Variants in GNAT2 observed in about 807,000 individuals in gnomAD.
The protein encoded by GNAT2 is guanine nucleotide-binding protein G(t) subunit alpha-2.
GNAT2 carries 32 observed loss-of-function variants against 40.9 expected under a neutral mutation model. That is an observed-to-expected ratio of 0.78 (90% CI 0.59 to 1.05). GNAT2 has a LOEUF of 1.05. GNAT2 is among the 50% of genes least tolerant of loss of function. The pLI is 0.00. For missense variants in GNAT2, 355 were observed against 431.5 expected (o/e 0.82, Z 1.57); for synonymous variants, 141 against 157.2 (o/e 0.90, Z 0.77).
intron 7 of GNAT2, chr1:109,605,625 A>G (rs1024792780): frequency 1.2e-5 from 4 of 343,246 alleles, no homozygotes; most frequent in African/African-American, 2.1e-5. Flanking sequence ...TCCTTAGGCA[A>G]TTTGGGAGAG....
intron 7 of GNAT2, 120 bp downstream of exon 7, chr1:109,605,850 G>A: frequency 1.2e-6 from 1 of 864,580 alleles, no homozygotes. Context: ...TGATTGGTCT[G>A]CTGGAGGGCT....
rs1649526971 is a variant in GNAT2 at position 109,604,263 on chromosome 1, T to G, written c.721-159A>C. On this transcript the variant is annotated intron_variant, in intron 7 of 8. Transcript: ENST00000679935. Reference sequence around the variant, plus strand: ...GTACCAGAGTAAAGCCAGAGAGATGTGGGATCATTCTAGTTCCCTATCTTT... The same window carrying G: ...GTACCAGAGTAAAGCCAGAGAGATGGGGGATCATTCTAGTTCCCTATCTTT... 4 of 677,168 alleles carry G rather than the reference T, an allele frequency of 5.9e-6. No homozygotes were observed. The Admixed American group carries it at 6.5e-5, about 11-fold the overall frequency. 41.9% of individuals were successfully genotyped at this position (677,168 alleles called of 1,614,324 possible). A position where few individuals can be genotyped will look rare whatever the true frequency, so the allele number is the denominator to read the frequency against.
intron 4 of GNAT2, chr1:109,609,373 C>G (rs891088724): frequency 5.7e-6 from 1 of 176,790 alleles, no homozygotes; most frequent in Non-Finnish European, 1.2e-5. Flanking sequence ...TGGCTCACAC[C>G]TGTAATCTCA....
chr1:109,606,520 C>T, intron 5 of GNAT2, 84 bp from the exon 6 acceptor site: 1 of 1,136,086 alleles, frequency 8.8e-7, no homozygotes, highest in South Asian at 1.2e-5. Context: ...CAAAGTCACA[C>T]AGCTAATTTG....
rs1649850533 is a variant in GNAT2 at position 109,613,040 on chromosome 1, C to CT, written c.-53-118dup. 6.6e-5 allele frequency: 47 copies of CT among 712,990 alleles called. 1 individual carries two copies. In the South Asian group the frequency reaches 6.7e-4, roughly 10 times the overall value. The allele number at this position is 712,990 out of a possible 1,614,324, so 44.2% of individuals were successfully genotyped here. On this transcript the variant is annotated intron_variant, in intron 1 of 8. Coordinates refer to ENST00000679935, the MANE Select transcript of GNAT2 (RefSeq NM_001377295.2). The stretch of plus-strand genomic sequence containing the variant: ...AGAGCAGGCTGTAGGGTCTTGTACT[C>CT]TGCCTACATTGACTGAGACTCCCTA...
chr1:109,603,533 A>C lies in GNAT2; in HGVS notation c.886T>G (p.Tyr296Asp). The C allele has an allele frequency of 6.2e-7, 1 of 1,607,462 alleles. No individual in the cohort carries two copies. Among genetic ancestry groups the C allele is most frequent in the Non-Finnish European group, 8.5e-7 (1 of 1,173,996 alleles). Residue 296 changes from tyrosine (Y) to aspartate (D), a missense_variant, in exon 9 of 9, where the codon TAT (tyrosine) becomes GAT (aspartate). Physicochemically the swap from Tyr to Asp is radical, Grantham distance 160 (BLOSUM62 -3). Transcript: ENST00000679935. ...TTTATGTAATTCCCCGCATCATCAT[A>C]GGAGTTGTTACCTGGTTTTCCAGAA... ...CFPEYDGNNS[Y>D]DDAGNYIKSQ... is the part of the protein sequence containing the mutation.
chr1:109,603,871 G>A (rs1024251106), intron 8 of GNAT2, 80 bp downstream of exon 8: 1 of 1,056,704 alleles, frequency 9.5e-7, no homozygotes, highest in Non-Finnish European at 1.5e-6. Flanking sequence ...GTTCCTTTGT[G>A]TCATCTTGGC....
chr1:109,614,229 A>C (rs1291929867), intron 1 of GNAT2: 1 of 152,172 alleles, frequency 6.6e-6, no homozygotes, highest in Non-Finnish European at 1.5e-5. Context: ...GTGACTCTAA[A>C]GACATTAAAG....
In GNAT2 at chr1:109,606,405, G is replaced by A. The variant is rs953848102; in HGVS notation, c.493C>T (p.Pro165Ser). 2.5e-6 allele frequency: 4 copies of A among 1,612,096 alleles called. No homozygotes were observed. The highest frequency in any genetic ancestry group is 1.3e-5 in the African/African-American group (1 of 74,854). ...YLNQLERITD[P>S]EYLPSEQDVL... is the part of the protein sequence containing the mutation. The stretch of plus-strand genomic sequence containing the variant: ...TCTTGCTCACTAGGGAGGTACTCAG[G>A]GTCTGTAATTCGTTCTAATTGGTTC... Residue 165 changes from proline (P) to serine (S), a missense_variant, in exon 6 of 9, where the codon CCT (proline) becomes TCT (serine). Pro to Ser is a moderately conservative substitution (Grantham distance 74, BLOSUM62 -1). Transcript: ENST00000679935.
Position 109,603,342 on chromosome 1 carries a change from G to C in GNAT2, c.*12C>G, listed in dbSNP as rs766921289. 6.8e-7 allele frequency: 1 copy of C among 1,476,978 alleles called. No individual in the cohort carries two copies. The highest frequency in any genetic ancestry group is 1.1e-5 in the South Asian group (1 of 88,330). The allele number at this position is 1,476,978 out of a possible 1,614,324, so 91.5% of individuals were successfully genotyped here. On this transcript the variant is annotated 3_prime_UTR_variant, in exon 9 of 9. Transcript: ENST00000679935. ...CCTGTTTATAGAACTTATACCTGAG[G>C]AATGGTGAGGATTAGAAGAGGCCGC...
chr1:109,606,067 C>T lies in GNAT2; in HGVS notation c.623G>A (p.Arg208Lys). 3 of 1,613,672 alleles carry T rather than the reference C, an allele frequency of 1.9e-6. No homozygotes were observed. Among genetic ancestry groups the T allele is most frequent in the Non-Finnish European group, 2.5e-6 (3 of 1,179,544 alleles). The change falls in exon 7 of 9, where the codon AGA becomes AAA. Residue 208 changes from arginine to lysine, a missense_variant. Transcript: ENST00000679935. Reference sequence around the variant, plus strand: ...CTCGAAGCAGTGGATCCACTTCTTTCTCTCGGATCTCTGCCCTCCCACATC... The same window carrying T: ...CTCGAAGCAGTGGATCCACTTCTTTTTCTCGGATCTCTGCCCTCCCACATC... ...MFDVGGQRSE[R>K]KKWIHCFEGV...
Position 109,610,509 on chromosome 1 carries a change from T to C in GNAT2, c.119-2A>G, listed in dbSNP as rs1419697460. The stretch of plus-strand genomic sequence containing the variant: ...TGCTCTTTCCTGACTCCCCAGCACC[T>C]GGAAGGAAAAATGCTTATGCTTTCG... On this transcript the variant is annotated splice_acceptor_variant, in intron 2 of 8. Coordinates refer to ENST00000679935, the MANE Select transcript of GNAT2 (RefSeq NM_001377295.2). LOFTEE classifies it high-confidence loss of function. 1 of 1,613,342 alleles carries C rather than the reference T, an allele frequency of 6.2e-7. No individual in the cohort carries two copies. The highest frequency in any genetic ancestry group is 8.5e-7 in the Non-Finnish European group (1 of 1,179,446).
rs1557917804 is a variant in GNAT2 at position 109,603,945 on chromosome 1, A to G, written c.874+6T>C. 1 of 1,591,020 alleles carries G rather than the reference A, an allele frequency of 6.3e-7. No homozygotes were observed. The highest frequency in any genetic ancestry group is 1.3e-5 in the African/African-American group (1 of 74,530). On this transcript the variant is annotated splice_donor_region_variant and intron_variant, in intron 8 of 8. Transcript: ENST00000679935. ...ATTATTATTATTTCCAGCCCCTGAC[A>G]CTTACCATCATACTCTGGAAAACAA...
At chr1:109,618,394 T>C (rs1201444747) in intron 1 of GNAT2, 2 of 152,248 alleles carry the variant, frequency 1.3e-5, no homozygotes, top group Non-Finnish European at 2.9e-5. Flanking sequence ...CTTTAAAGTA[T>C]CTAACTTTTC....
At chr1:109,615,952 A>T (rs1231591199) in intron 1 of GNAT2, 1 of 152,272 alleles carries the variant, frequency 6.6e-6, no homozygotes, top group East Asian at 1.9e-4. Context: ...ACACAGGGAA[A>T]GTGGGCTTGT....
Position 109,610,068 on chromosome 1 carries a change from C to G in GNAT2, c.275G>C (p.Gly92Ala). ...ACAGCTTGGTTCAGCATAATCGATG[C>G]CCAGTGTGGTCATGGCCCGGATGAT... ...LAIIRAMTTL[G>A]IDYAEPSCAD... Residue 92 changes from glycine (G) to alanine (A), a missense_variant, in exon 4 of 9, where the codon GGC (glycine) becomes GCC (alanine). Coordinates refer to ENST00000679935, the MANE Select transcript of GNAT2 (RefSeq NM_001377295.2). 2 of 1,613,972 alleles carry G rather than the reference C, an allele frequency of 1.2e-6. No homozygotes were observed. Among genetic ancestry groups the G allele is most frequent in the Non-Finnish European group, 1.7e-6 (2 of 1,179,840 alleles).
chr1:109,606,863 CTG>C, intron 5 of GNAT2: 3 of 204,680 alleles, frequency 1.5e-5, no homozygotes, highest in African/African-American at 2.3e-5. Context: ...TTTGAGATAA[CTG>C]GGGAAATTTG....
intron 1 of GNAT2, chr1:109,615,313 T>G (rs1343557834): frequency 6.6e-6 from 1 of 151,634 alleles, no homozygotes. Flanking sequence ...CTGGCCAACA[T>G]GGTGAAATCC....
At chr1:109,612,193 G>T (rs1475921358) in intron 2 of GNAT2, 1 of 177,678 alleles carries the variant, frequency 5.6e-6, no homozygotes, top group African/African-American at 2.4e-5. Flanking sequence ...AGAGAGCCAG[G>T]AAGGGACTGC....
Sources: gnomAD v4.1 joint callset for allele counts on GRCh38, gnomAD v4.1.1 for gene constraint, MANE v1.5 for transcripts, NCBI Gene and HGNC (gene_info 2026-07-23, HGNC 2026-07-21) for gene names.